RPH3AL: variants seen among roughly 807,000 people sequenced by gnomAD.
The protein encoded by RPH3AL is rab effector Noc2.
A neutral mutation model predicts 43.1 loss-of-function variants in RPH3AL; 38 were observed. That is an observed-to-expected ratio of 0.88 (90% CI 0.68 to 1.15). The LOEUF (loss-of-function observed/expected upper bound fraction) is 1.15, where lower values mean the gene tolerates loss of function less well. Ranked by LOEUF, RPH3AL falls within the 50% of genes most tolerant of loss-of-function variation. The pLI, the probability that RPH3AL is intolerant of heterozygous loss-of-function variation, is 0.00. For synonymous variants in RPH3AL, 189 were observed against 176.3 expected, an observed-to-expected ratio of 1.07 and a Z score of -0.57; for missense variants, 462 against 423.2, an observed-to-expected ratio of 1.09 and a Z score of -0.81.
At chr17:271,821 G>A (rs998986550) in intron 6 of RPH3AL, among the ~76,000 whole-genome samples, 8 of 152,158 alleles carry the variant, frequency 5.3e-5, no homozygotes, top group African/African-American at 9.7e-5. Context: ...TAGGAGTGGC[G>A]AGAGAGGGCA....
intron 6 of RPH3AL, among the ~76,000 whole-genome samples, chr17:252,915 C>T (rs548136550): frequency 6.6e-6 from 1 of 152,312 alleles, no homozygotes; most frequent in Non-Finnish European, 1.5e-5. Flanking sequence ...GATACTCAGC[C>T]TATATTCCAC....
At chr17:273,016 A>AGGGAGAGACCCCAGCGCGGGTGACG (rs2042534792) in intron 6 of RPH3AL, among the ~76,000 whole-genome samples, 1 of 38,202 alleles carries the variant, frequency 2.6e-5, no homozygotes, top group African/African-American at 9.2e-5. Context: ...CGAGGGCGAC[A>AGGGAGAGACCCCAGCGCGGGTGACG]TCAGGAAGAG....
At chr17:273,330 G>A (rs868476977) in intron 6 of RPH3AL, among the ~76,000 whole-genome samples, 15 of 77,246 alleles carry the variant, frequency 1.9e-4, no homozygotes, top group African/African-American at 3.1e-4. Context: ...TGATGTCAGG[G>A]AGAGACCCCA....
At chr17:315,653 G>GC (rs2044026866) in intron 5 of RPH3AL, among the ~76,000 whole-genome samples, 2 of 145,926 alleles carry the variant, frequency 1.4e-5, no homozygotes, top group African/African-American at 2.7e-5. Context: ...TAGTCCCTGT[G>GC]CTCCACCTCC....
At chr17:312,173 C>T (rs953705556) in intron 5 of RPH3AL, among the ~76,000 whole-genome samples, 1 of 152,124 alleles carries the variant, frequency 6.6e-6, no homozygotes, top group Non-Finnish European at 1.5e-5. Flanking sequence ...TGGTGGCACA[C>T]ATCTGTAGTC....
chr17:259,265 T>C (rs1441743102), intron 6 of RPH3AL, among the ~76,000 whole-genome samples: 8 of 152,194 alleles, frequency 5.3e-5, no homozygotes, highest in African/African-American at 1.9e-4. Flanking sequence ...TATCATCCAG[T>C]ACAGGAGGTG....
At chr17:315,224 G>A (rs73971711) in intron 5 of RPH3AL, among the ~76,000 whole-genome samples, 3 of 836 alleles carry the variant, frequency 3.6e-3, no homozygotes, top group Non-Finnish European at 6.7e-3. Flanking sequence ...TAGTCTCTGT[G>A]CCCCCACCTT....
chr17:293,749 T>C lies in RPH3AL; in HGVS notation c.352-11895A>G, dbSNP rs533529882. The stretch of plus-strand genomic sequence containing the variant: ...GGTTTTTAAAAACCAGCAAATCTGG[T>C]CGGGCGCGGTGGCTCACGCCTGTAA... On this transcript the variant is annotated intron_variant, in intron 5 of 9. Coordinates refer to ENST00000331302, the MANE Select transcript of RPH3AL (RefSeq NM_006987.4). Among the ~76,000 whole-genome samples, 4 of 152,212 alleles carry C rather than the reference T, an allele frequency of 2.6e-5. 1 individual carries two copies. Among genetic ancestry groups the C allele is most frequent in the Non-Finnish European group, 2.9e-5 (2 of 68,012 alleles).
intron 6 of RPH3AL, among the ~76,000 whole-genome samples, chr17:271,264 T>C (rs1016972891): frequency 5.3e-5 from 8 of 152,236 alleles, no homozygotes; most frequent in African/African-American, 1.9e-4. Context: ...TGCGGGCTCT[T>C]TTTTGGTTCC....
intron 2 of RPH3AL, chr17:331,870 T>A (rs1490361300): frequency 1.6e-6 from 2 of 1,288,994 alleles, no homozygotes; most frequent in Admixed American, 2.3e-5. Flanking sequence ...TACTCAGGTA[T>A]GACCATTTGT....
intron 5 of RPH3AL, among the ~76,000 whole-genome samples, chr17:313,329 C>T (rs1291155137): frequency 6.6e-6 from 1 of 152,228 alleles, no homozygotes; most frequent in Non-Finnish European, 1.5e-5. Flanking sequence ...ACTGGCATCT[C>T]ATTAAACTTA....
intron 6 of RPH3AL, among the ~76,000 whole-genome samples, chr17:272,762 T>TCA (rs71143491): frequency 0.36 from 53,124 of 145,558 alleles, 9,607 homozygotes; most frequent in East Asian, 0.51. Flanking sequence ...ATTATTTAAG[T>TCA]CACACACACA....
At position 274,112 on chromosome 17, in the gene RPH3AL, C is replaced by T. The variant is rs952997828; in HGVS notation, c.438+7656G>A. Among the ~76,000 whole-genome samples the T allele has an allele frequency of 8.5e-5, 13 of 152,206 alleles. No homozygotes were observed. The highest frequency in any genetic ancestry group is 1.6e-4 in the Non-Finnish European group (11 of 68,038). Reference sequence around the variant, plus strand: ...TAGTGGATAGGGATTCGAGGCTAAACAGTAAATGAAATGAATTTCTGGTTT... The same window carrying T: ...TAGTGGATAGGGATTCGAGGCTAAATAGTAAATGAAATGAATTTCTGGTTT... On this transcript the variant is annotated intron_variant, in intron 6 of 9. Transcript: ENST00000331302. This position sits in a 1 kb window ranked among gnomAD's most constrained non-coding sequence, Gnocchi z 4.7.
chr17:285,205 G>A (rs1424727368), intron 5 of RPH3AL, among the ~76,000 whole-genome samples: 1 of 152,006 alleles, frequency 6.6e-6, no homozygotes, highest in Non-Finnish European at 1.5e-5. Context: ...GTCCCCCTGA[G>A]CCTGCACCTC....
In RPH3AL at chr17:298,784, C is replaced by G. The variant is rs575875007; in HGVS notation, c.352-16930G>C. On this transcript the variant is annotated intron_variant, in intron 5 of 9. Transcript: ENST00000331302. ...TATCTGAAAAATACAGCAGACTAGACAAACATTGTAGGATTTCTTAATATT... is the reference window on the plus strand; with the variant it reads ...TATCTGAAAAATACAGCAGACTAGAGAAACATTGTAGGATTTCTTAATATT... Among the ~76,000 whole-genome samples, 5 of 152,146 alleles carry G rather than the reference C, an allele frequency of 3.3e-5. No individual in the cohort carries two copies. In the East Asian group the frequency reaches 9.7e-4, roughly 29 times the overall value.
chr17:252,222 A>G (rs983425262), intron 6 of RPH3AL, among the ~76,000 whole-genome samples: 37 of 151,654 alleles, frequency 2.4e-4, no homozygotes, highest in African/African-American at 9.0e-4. Context: ...CAATCTGCCC[A>G]CCTCTGCCTC....
At chr17:324,706 T>TCTATCTATCTATCTATCTA (rs1567524409) in intron 3 of RPH3AL, among the ~76,000 whole-genome samples, 1 of 75,560 alleles carries the variant, frequency 1.3e-5, no homozygotes, top group Non-Finnish European at 3.3e-5. Flanking sequence ...TAGCTAGCTA[T>TCTATCTATCTATCTATCTA]GTACCTATCT....
chr17:304,551 A>G (rs1394691482), intron 5 of RPH3AL, among the ~76,000 whole-genome samples: 2 of 152,130 alleles, frequency 1.3e-5, no homozygotes, highest in African/African-American at 2.4e-5. Flanking sequence ...CAACATAACC[A>G]GAGGGGAAGG....
At chr17:296,427 G>T in intron 5 of RPH3AL, among the ~76,000 whole-genome samples, 1 of 151,168 alleles carries the variant, frequency 6.6e-6, no homozygotes, top group Non-Finnish European at 1.5e-5. Flanking sequence ...GTGTGGGAGG[G>T]ACAGAGGAGC....
Sources: gnomAD v4.1 joint callset for allele counts (sites outside exome capture counted in the v4.1 genomes callset) on GRCh38, gnomAD v4.1.1 for gene constraint, Gnocchi (gnomAD v3.1) non-coding constraint, MANE v1.5 for transcripts, NCBI Gene and HGNC (gene_info 2026-07-23, HGNC 2026-07-21) for gene names.